HTT-AS: variants seen among roughly 807,000 people sequenced by gnomAD.
HTT-AS encodes the protein HTT antisense RNA (head to head).
chr4:3,058,258 C>T (rs796079818), intron 2 of HTT-AS, among the ~76,000 whole-genome samples: 10 of 151,646 alleles, frequency 6.6e-5, no homozygotes, highest in African/African-American at 2.2e-4. Flanking sequence ...CCCGGGAAGC[C>T]GAGGTTGTGG....
chr4:3,050,431 G>A (rs1711680849), intron 2 of HTT-AS, among the ~76,000 whole-genome samples: 1 of 152,114 alleles, frequency 6.6e-6, no homozygotes, highest in Non-Finnish European at 1.5e-5. Flanking sequence ...TAAAGTTCCA[G>A]GAATTCTTAC....
rs547733025 is a variant in HTT-AS at position 3,066,940 on chromosome 4, G to T, written n.114-3240C>A. 8.5e-5 allele frequency among the ~76,000 whole-genome samples: 13 copies of T among 152,300 alleles called. No individual in the cohort carries two copies. The East Asian group carries it at 1.7e-3, about 20-fold the overall frequency. On this transcript the variant is annotated intron_variant and non_coding_transcript_variant, in intron 1 of 2. Coordinates refer to ENST00000664062, the Ensembl canonical transcript of HTT-AS. ...ATCTATCTAGTGTCTAGATAATGGA[G>T]ATATGAAATACAGACACTTAAACAA... is the stretch of plus-strand genomic sequence containing the variant.
intron 1 of HTT-AS, among the ~76,000 whole-genome samples, chr4:3,071,505 T>C (rs1418989177): frequency 6.6e-6 from 1 of 152,122 alleles, no homozygotes; most frequent in Non-Finnish European, 1.5e-5. Flanking sequence ...CATAGCTAGC[T>C]GAAGGAAGGA....
At chr4:3,073,573 C>T (rs1460205990) in intron 1 of HTT-AS, among the ~76,000 whole-genome samples, 1 of 152,256 alleles carries the variant, frequency 6.6e-6, no homozygotes, top group Non-Finnish European at 1.5e-5. Flanking sequence ...CTTCTCGCTG[C>T]ACTAATCACA....
At chr4:3,047,575 TC>T (rs1268582913), downstream of HTT-AS, among the ~76,000 whole-genome samples, 7 of 152,162 alleles carry the variant, frequency 4.6e-5, no homozygotes, top group African/African-American at 7.2e-5. Context: ...ACTAGAGGGC[TC>T]CCTGGTCTAG....
In HTT-AS at chr4:3,052,796, C is replaced by T. The variant is rs369089796; in HGVS notation, n.1381-3098G>A. Among the ~76,000 whole-genome samples, 4 of 152,084 alleles carry T rather than the reference C, an allele frequency of 2.6e-5. No homozygotes were observed. The East Asian group carries it at 5.8e-4, about 22-fold the overall frequency. ...CTGAGCTCAGGAGTTCGAGACCAGC[C>T]TGGGCAACATGGTGAAACCCCACCT... On this transcript the variant is annotated intron_variant and non_coding_transcript_variant, in intron 2 of 2. Transcript: ENST00000664062.
intron 2 of HTT-AS, among the ~76,000 whole-genome samples, chr4:3,053,819 C>T (rs190975185): frequency 3.5e-4 from 51 of 145,458 alleles, no homozygotes; most frequent in African/African-American, 7.7e-4. Flanking sequence ...AGTCCAATGG[C>T]GTGATCTAGG....
In HTT-AS at chr4:3,060,332, T is replaced by C. The variant is rs150321436; in HGVS notation, n.1380+2102A>G. On this transcript the variant is annotated intron_variant and non_coding_transcript_variant, in intron 2 of 2. Coordinates refer to ENST00000664062, the Ensembl canonical transcript of HTT-AS. Reference sequence around the variant, plus strand: ...TACTACATTTACACATTTTAAAGCATCTTTAGAAACAGGATCTCATTTTGT... The same window carrying C: ...TACTACATTTACACATTTTAAAGCACCTTTAGAAACAGGATCTCATTTTGT... Among the ~76,000 whole-genome samples the C allele has an allele frequency of 6.9e-3, 1,044 of 152,248 alleles. 10 individuals carry two copies. The highest frequency in any genetic ancestry group is 0.024 in the African/African-American group (990 of 41,556).
At chr4:3,055,043 C>T (rs2110121033) in intron 2 of HTT-AS, among the ~76,000 whole-genome samples, 1 of 152,168 alleles carries the variant, frequency 6.6e-6, no homozygotes, top group East Asian at 1.9e-4. Context: ...CTGTTCTGCT[C>T]TTTCACAAAA....
At chr4:3,049,228 A>G (rs1449672139) in exon 3 of HTT-AS, among the ~76,000 whole-genome samples, 1 of 152,174 alleles carries the variant, frequency 6.6e-6, no homozygotes, top group Non-Finnish European at 1.5e-5. Flanking sequence ...GTTCAAAACC[A>G]GCCTGGCCAA....
intron 2 of HTT-AS, among the ~76,000 whole-genome samples, chr4:3,052,381 G>A (rs1219781441): frequency 6.6e-6 from 1 of 152,168 alleles, no homozygotes; most frequent in Non-Finnish European, 1.5e-5. Flanking sequence ...TTAATTAAAA[G>A]TAGATATTCT....
At chr4:3,062,290 G>A (rs1025542282) in intron 2 of HTT-AS, among the ~76,000 whole-genome samples, 11 of 152,046 alleles carry the variant, frequency 7.2e-5, no homozygotes, top group Admixed American at 4.6e-4. Flanking sequence ...TCAGCCTCCC[G>A]AAATGCTGGG....
intron 1 of HTT-AS, among the ~76,000 whole-genome samples, chr4:3,068,305 C>CAA (rs759119862): frequency 4.7e-3 from 61 of 13,048 alleles, no homozygotes; most frequent in African/African-American, 8.8e-3. Context: ...GACTCTGTCT[C>CAA]AAAAAAAAAA....
chr4:3,052,370 CTTAA>C (rs1242094052), intron 2 of HTT-AS, among the ~76,000 whole-genome samples: 1 of 152,092 alleles, frequency 6.6e-6, no homozygotes, highest in Non-Finnish European at 1.5e-5. Context: ...TAAAAGTCAG[CTTAA>C]TTAAAAGTAG....
chr4:3,067,844 C>A (rs1421291606), intron 1 of HTT-AS, among the ~76,000 whole-genome samples: 1 of 152,158 alleles, frequency 6.6e-6, no homozygotes, highest in Admixed American at 6.5e-5. Context: ...GGCCATCTGG[C>A]CAACAAGCAG....
chr4:3,062,965 C>T (rs1189601276), exon 2 of HTT-AS, among the ~76,000 whole-genome samples: 1 of 152,120 alleles, frequency 6.6e-6, no homozygotes, highest in Non-Finnish European at 1.5e-5. Context: ...CCCAGTCCAA[C>T]CGGACCTTTT....
downstream of HTT-AS, among the ~76,000 whole-genome samples, chr4:3,046,439 T>A (rs1711587585): frequency 1.3e-5 from 2 of 152,208 alleles, no homozygotes; most frequent in South Asian, 4.1e-4. Context: ...AGTGAGGATG[T>A]CAGGGTTTCA....
downstream of HTT-AS, among the ~76,000 whole-genome samples, chr4:3,046,998 A>T (rs60745500): frequency 9.8e-3 from 1,489 of 152,216 alleles, 19 homozygotes; most frequent in African/African-American, 0.034. Flanking sequence ...TATAATAAAA[A>T]ATATATATAT....
At chr4:3,068,728 C>T (rs1157150859) in intron 1 of HTT-AS, among the ~76,000 whole-genome samples, 1 of 150,014 alleles carries the variant, frequency 6.7e-6, no homozygotes, top group Non-Finnish European at 1.5e-5. Flanking sequence ...GGTCTCGGCT[C>T]ACTGCAACCT....
Sources: gnomAD v4.1 joint callset for allele counts (sites outside exome capture counted in the v4.1 genomes callset) on GRCh38, gnomAD v4.1.1 for gene constraint, MANE v1.5 for transcripts, NCBI Gene and HGNC (gene_info 2026-07-23, HGNC 2026-07-21) for gene names.